The following COLEC11 variants were observed in gnomAD, a reference collection of about 807,000 sequenced individuals.
COLEC11 encodes collectin-11.
Under a neutral mutation model 27.3 loss-of-function variants are expected in COLEC11, and 20 were observed. The ratio of observed to expected loss-of-function variants is 0.73; its 90% CI spans 0.51 to 1.06. COLEC11 has a LOEUF of 1.06. Ranked by LOEUF, COLEC11 falls within the 50% of genes least tolerant of loss-of-function variation. The probability of loss-of-function intolerance (pLI) is 0.00; values close to 1 mark genes in which losing one functional copy is unlikely to be tolerated. For missense variants in COLEC11, 310 were observed against 383.0 expected (o/e 0.81, Z 1.59); for synonymous variants, 163 against 154.7 (o/e 1.05, Z -0.40).
At chr2:3,599,237 G>C (rs1214436697) in intron 1 of COLEC11, among the ~76,000 whole-genome samples, 2 of 152,278 alleles carry the variant, frequency 1.3e-5, no homozygotes, top group African/African-American at 4.8e-5. Context: ...CCCAGTGGAC[G>C]TTCTGTACCC....
chr2:3,617,958 T>C (rs533160092), intron 3 of COLEC11, among the ~76,000 whole-genome samples: 2 of 152,386 alleles, frequency 1.3e-5, no homozygotes, highest in East Asian at 3.9e-4. Context: ...GTTGACCACC[T>C]TTCCATAAAC....
At chr2:3,621,517 A>G (rs1664189948) in intron 3 of COLEC11, among the ~76,000 whole-genome samples, 1 of 152,096 alleles carries the variant, frequency 6.6e-6, no homozygotes, top group African/African-American at 2.4e-5. Context: ...TGATTGGATA[A>G]TTTAATCTAT....
At chr2:3,611,296 C>T (rs975551292) in intron 2 of COLEC11, among the ~76,000 whole-genome samples, 3 of 152,232 alleles carry the variant, frequency 2.0e-5, no homozygotes, top group South Asian at 2.1e-4. Context: ...CCTGGGTCAC[C>T]GGGGACTCGC....
At chr2:3,612,804 C>G (rs371095709) in intron 2 of COLEC11, among the ~76,000 whole-genome samples, 1 of 152,130 alleles carries the variant, frequency 6.6e-6, no homozygotes, top group Non-Finnish European at 1.5e-5. Flanking sequence ...AGGCAGCCCC[C>G]GTGGTGGAGG....
At chr2:3,637,734 A>T in intron 4 of COLEC11, 130 bp downstream of exon 4, 2 of 798,888 alleles carry the variant, frequency 2.5e-6, no homozygotes, top group Non-Finnish European at 2.2e-6. Flanking sequence ...ATGGTAGATA[A>T]GAAATCTACT....
chr2:3,608,779 G>A (rs564794307), intron 2 of COLEC11, among the ~76,000 whole-genome samples: 2 of 152,374 alleles, frequency 1.3e-5, no homozygotes, highest in South Asian at 4.1e-4. Flanking sequence ...AGGCGGAGGC[G>A]ACGGGGACCG....
intron 5 of COLEC11, among the ~76,000 whole-genome samples, chr2:3,641,880 G>A (rs6748908): frequency 0.054 from 8,198 of 152,216 alleles, 755 homozygotes; most frequent in African/African-American, 0.19. Context: ...AAGCCCACCC[G>A]CACACCGCAG....
At chr2:3,605,933 C>G in intron 2 of COLEC11, 1 of 857,904 alleles carries the variant, frequency 1.2e-6, no homozygotes, top group Admixed American at 2.6e-5. Flanking sequence ...AGTGGACTGT[C>G]CTGCAGCCCA....
At position 3,640,284 on chromosome 2, in the gene COLEC11, A is replaced by C; in HGVS notation, c.281A>C (p.Lys94Thr). 6.3e-7 allele frequency: 1 copy of C among 1,598,866 alleles called. No individual in the cohort carries two copies. Among genetic ancestry groups the C allele is most frequent in the Non-Finnish European group, 8.6e-7 (1 of 1,166,114 alleles). The change falls in exon 5 of 7, where the codon AAA becomes ACA. Residue 94 changes from lysine (K) to threonine (T), a missense_variant. By Grantham distance (78) the Lys-to-Thr change is moderately conservative (BLOSUM62 -1). Coordinates refer to ENST00000349077, the MANE Select transcript of COLEC11 (RefSeq NM_024027.5). Reference protein sequence around the residue: ...KIGPIGSKGEKGDSGDIGPPG... With the variant: ...KIGPIGSKGETGDSGDIGPPG... ...CCTTGTTTTTTATTTTCAGGTGAGA[A>C]AGGAGATTCCGGTGACATAGGACCC...
intron 1 of COLEC11, among the ~76,000 whole-genome samples, chr2:3,596,949 C>T (rs935474637): frequency 1.3e-5 from 2 of 152,370 alleles, no homozygotes; most frequent in South Asian, 4.1e-4. Flanking sequence ...CGTCTGAGAG[C>T]GCCCCGCTGC....
chr2:3,598,215 C>T (rs1355049886), intron 1 of COLEC11, among the ~76,000 whole-genome samples: 4 of 152,324 alleles, frequency 2.6e-5, no homozygotes, highest in Non-Finnish European at 4.4e-5. Flanking sequence ...GGATTACAAA[C>T]GTGAGCCACT....
chr2:3,619,596 C>A (rs1253566635), intron 3 of COLEC11, among the ~76,000 whole-genome samples: 1 of 152,200 alleles, frequency 6.6e-6, no homozygotes, highest in East Asian at 1.9e-4. Context: ...GTTGAACCAT[C>A]CCAGGCATAA....
At chr2:3,606,242 A>C (rs1444185878) in intron 2 of COLEC11, 27 of 1,550,212 alleles carry the variant, frequency 1.7e-5, no homozygotes, top group Non-Finnish European at 2.4e-5. Flanking sequence ...GCGCCCTGCC[A>C]GGTCAGTAGC....
At position 3,610,285 on chromosome 2, in the gene COLEC11, C is replaced by T. The variant is rs73138824; in HGVS notation, c.131-3026C>T. Among the ~76,000 whole-genome samples the T allele has an allele frequency of 3.2e-3, 486 of 152,266 alleles. 2 individuals are homozygous for T. The highest frequency in any genetic ancestry group is 0.011 in the African/African-American group (470 of 41,538). On this transcript the variant is annotated intron_variant, in intron 2 of 6. Transcript: ENST00000349077. ...AATTATTATGCAAATAAGTGAATGC[C>T]GTGTACAAACTCCAGGAGCTTTCTT...
intron 2 of COLEC11, among the ~76,000 whole-genome samples, 159 bp from the exon 3 acceptor site, chr2:3,613,152 G>A (rs1443268739): frequency 2.0e-5 from 3 of 152,206 alleles, no homozygotes; most frequent in Non-Finnish European, 4.4e-5. Flanking sequence ...ACCCAGAGTA[G>A]CGGCTGGGCT....
intron 3 of COLEC11, among the ~76,000 whole-genome samples, chr2:3,614,888 A>G (rs1365210960): frequency 1.3e-5 from 2 of 152,264 alleles, no homozygotes; most frequent in East Asian, 3.8e-4. Context: ...ACAAAGAATT[A>G]GGAATCCGAA....
intron 3 of COLEC11, among the ~76,000 whole-genome samples, chr2:3,633,496 C>T (rs1178125588): frequency 1.3e-5 from 2 of 152,186 alleles, no homozygotes; most frequent in African/African-American, 4.8e-5. Context: ...GTGTGGGACC[C>T]AGTCCCTGCC....
intron 2 of COLEC11, among the ~76,000 whole-genome samples, chr2:3,611,084 A>G (rs13000184): frequency 0.69 from 105,312 of 152,120 alleles, 36,975 homozygotes; most frequent in South Asian, 0.89. Flanking sequence ...GGGAAATCGC[A>G]GCTACTAAAT....
chr2:3,603,472 A>T, intron 1 of COLEC11: 1 of 617,942 alleles, frequency 1.6e-6, no homozygotes, highest in Non-Finnish European at 2.9e-6. Context: ...GCCCGCCACC[A>T]CACCCAGCTA....
Sources: gnomAD v4.1 joint callset for allele counts (sites outside exome capture counted in the v4.1 genomes callset) on GRCh38, gnomAD v4.1.1 for gene constraint, MANE v1.5 for transcripts, NCBI Gene and HGNC (gene_info 2026-07-23, HGNC 2026-07-21) for gene names.